The following MME variants were observed in gnomAD, a reference collection of about 807,000 sequenced individuals.
MME encodes the protein membrane metalloendopeptidase.
A neutral mutation model predicts 113.2 loss-of-function variants in MME; 98 were observed. The ratio of observed to expected loss-of-function variants is 0.87; its 90% confidence interval spans 0.74 to 1.02. MME has a LOEUF of 1.02. MME is among the 50% of genes least tolerant of loss of function. The probability of loss-of-function intolerance (pLI) is 0.00; values close to 1 mark genes in which losing one functional copy is unlikely to be tolerated. For synonymous variants in MME, 292 were observed against 300.6 expected, an observed-to-expected ratio of 0.97 and a Z score of 0.30; for missense variants, 836 against 896.0, an observed-to-expected ratio of 0.93 and a Z score of 0.86.
At chr3:155,099,964 G>A (rs1717063118) in intron 3 of MME, among the ~76,000 whole-genome samples, 1 of 152,138 alleles carries the variant, frequency 6.6e-6, no homozygotes, top group African/African-American at 2.4e-5. Flanking sequence ...GAAAACCGAG[G>A]CAATACCATT....
At chr3:155,114,866 T>C (rs1718466864) in intron 3 of MME, 128 bp from the exon 4 acceptor site, 7 of 874,994 alleles carry the variant, frequency 8.0e-6, no homozygotes, top group Admixed American at 5.9e-5. Flanking sequence ...AATTGACTTA[T>C]ATAAAAAAGA....
Position 155,142,230 on chromosome 3 carries a change from T to A in MME, c.1095-7T>A, listed in dbSNP as rs765168253. On this transcript the variant is annotated splice_region_variant and splice_polypyrimidine_tract_variant and intron_variant, in intron 11 of 22. Coordinates refer to ENST00000360490, the MANE Select transcript of MME (RefSeq NM_007289.4). ...TCTGTTGCTGGGCGGTGGTTTTTTT[T>A]ATACAGAGATCTTCAAAATTTAATG... 1.6e-5 allele frequency: 26 copies of A among 1,613,326 alleles called. 1 individual carries two copies. In the East Asian group the frequency reaches 1.8e-4, roughly 11 times the overall value.
chr3:155,095,810 C>G (rs1716686238), intron 3 of MME, among the ~76,000 whole-genome samples: 1 of 152,164 alleles, frequency 6.6e-6, no homozygotes. Context: ...CAGACATAAA[C>G]AACATTACCA....
At chr3:155,109,293 G>A (rs1392987194) in intron 3 of MME, among the ~76,000 whole-genome samples, 1 of 152,118 alleles carries the variant, frequency 6.6e-6, no homozygotes. Context: ...GATGAGGAAG[G>A]GAGGTATTTT....
intron 1 of MME, among the ~76,000 whole-genome samples, chr3:155,025,670 AT>A: frequency 7.2e-6 from 1 of 138,908 alleles, no homozygotes; most frequent in African/African-American, 2.7e-5. Flanking sequence ...GTGGTATCAG[AT>A]TTTTTCTTTC....
chr3:155,174,325 CGTGTGT>C (rs3839085), intron 22 of MME, among the ~76,000 whole-genome samples: 10,833 of 110,132 alleles, frequency 0.098, 567 homozygotes, highest in African/African-American at 0.16. Flanking sequence ...ACAACAGAAG[CGTGTGT>C]GTGTGTGTGT....
At chr3:155,117,374 G>A (rs1331093840) in intron 7 of MME, among the ~76,000 whole-genome samples, 1 of 152,092 alleles carries the variant, frequency 6.6e-6, no homozygotes, top group Non-Finnish European at 1.5e-5. Context: ...CTTTCAAAAA[G>A]AACACAGAAA....
At chr3:155,040,698 C>T (rs918976017) in intron 1 of MME, among the ~76,000 whole-genome samples, 33 of 151,662 alleles carry the variant, frequency 2.2e-4, no homozygotes, top group African/African-American at 4.4e-4. Flanking sequence ...ATACTATTTT[C>T]GAAAATTTTT....
At chr3:155,050,558 G>C (rs1402207891) in intron 1 of MME, among the ~76,000 whole-genome samples, 1 of 152,080 alleles carries the variant, frequency 6.6e-6, no homozygotes, top group Non-Finnish European at 1.5e-5. Context: ...TCACGGTTTT[G>C]ATTTACATTT....
intron 3 of MME, among the ~76,000 whole-genome samples, chr3:155,111,727 G>A (rs61763240): frequency 3.2e-4 from 49 of 152,200 alleles, no homozygotes; most frequent in South Asian, 1.9e-3. Context: ...ACTTTTCTGA[G>A]TAGAGTTCAT....
chr3:155,025,731 C>T (rs1446322091), intron 1 of MME, among the ~76,000 whole-genome samples: 2 of 111,128 alleles, frequency 1.8e-5, no homozygotes, highest in African/African-American at 3.5e-5. Flanking sequence ...TTCACTCTGT[C>T]GCCCAGGCTG....
At chr3:155,106,363 T>A (rs1055208634) in intron 3 of MME, among the ~76,000 whole-genome samples, 10 of 152,172 alleles carry the variant, frequency 6.6e-5, no homozygotes, top group African/African-American at 2.4e-4. Context: ...CCACTCTCCA[T>A]CTTTCTTCAA....
intron 1 of MME, among the ~76,000 whole-genome samples, chr3:155,041,663 GT>G (rs1404978057): frequency 1.3e-5 from 2 of 152,176 alleles, no homozygotes; most frequent in South Asian, 4.1e-4. Flanking sequence ...CCTTTTGGAA[GT>G]TGTCGTAAAA....
intron 1 of MME, 180 bp from the exon 2 acceptor site, chr3:155,083,978 A>C: frequency 1.7e-6 from 1 of 595,050 alleles, no homozygotes; most frequent in East Asian, 2.9e-5. Context: ...GAGACCTGTC[A>C]AATTCATTTG....
At chr3:155,173,735 C>G (rs1369586952) in intron 22 of MME, among the ~76,000 whole-genome samples, 1 of 152,026 alleles carries the variant, frequency 6.6e-6, no homozygotes, top group South Asian at 2.1e-4. Context: ...AGGTAATGAG[C>G]AACAAAAGTG....
At chr3:155,091,228 T>G (rs964469654) in intron 3 of MME, among the ~76,000 whole-genome samples, 1 of 152,236 alleles carries the variant, frequency 6.6e-6, no homozygotes, top group Admixed American at 6.5e-5. Context: ...GTGAAAATTG[T>G]GTAGGGATAT....
intron 8 of MME, among the ~76,000 whole-genome samples, chr3:155,126,126 G>A (rs115829019): frequency 6.4e-4 from 97 of 152,080 alleles, no homozygotes; most frequent in African/African-American, 2.3e-3. Flanking sequence ...TAAATACATG[G>A]GTATGGGATA....
chr3:155,127,798 C>A (rs1335063431), intron 8 of MME, among the ~76,000 whole-genome samples: 1 of 152,218 alleles, frequency 6.6e-6, no homozygotes, highest in Non-Finnish European at 1.5e-5. Flanking sequence ...AGTATAGTGG[C>A]AAACTTTGGT....
At position 155,180,568 on chromosome 3, in the gene MME, G is replaced by A. The variant is rs1712995584; in HGVS notation, c.*109G>A. ...CCTAGGGGTCACTGTACTGACTTGA[G>A]GGTGATTAACAGAGAGGGCACCATC... On this transcript the variant is annotated 3_prime_UTR_variant, in exon 23 of 23. Transcript: ENST00000360490. 1.2e-6 allele frequency: 1 copy of A among 826,078 alleles called. No individual in the cohort carries two copies. Among genetic ancestry groups the A allele is most frequent in the Non-Finnish European group, 2.1e-6 (1 of 470,484 alleles). 51.2% of individuals were successfully genotyped at this position (826,078 alleles called of 1,614,324 possible). A position where few individuals can be genotyped will look rare whatever the true frequency, so the allele number is the denominator to read the frequency against.
Sources: gnomAD v4.1 joint callset for allele counts (sites outside exome capture counted in the v4.1 genomes callset) on GRCh38, gnomAD v4.1.1 for gene constraint, MANE v1.5 for transcripts, NCBI Gene and HGNC (gene_info 2026-07-23, HGNC 2026-07-21) for gene names.